Variants in INSR observed in about 807,000 individuals in gnomAD.
INSR encodes insulin receptor, also known as IR.
Under a neutral mutation model 142.6 loss-of-function variants are expected in INSR, and 67 were observed. The ratio of observed to expected loss-of-function variants is 0.47; its 90% CI spans 0.39 to 0.58. The LOEUF is 0.58. Ranked by LOEUF, INSR falls within the 20% of genes least tolerant of loss-of-function variation. The pLI, the probability that INSR is intolerant of heterozygous loss-of-function variation, is 0.00. For missense variants in INSR, 1,248 were observed against 1,833.2 expected (o/e 0.68, Z 5.83); for synonymous variants, 756 against 743.1 (o/e 1.02, Z -0.28).
chr19:7,159,128 C>T lies in INSR; in HGVS notation c.2029+3904G>A, dbSNP rs1973687207. ...ATGTTGCCCAGGCTGGTCTCGAACT[C>T]CTGGCCTCAAAGTGATCCACCCCAC... On this transcript the variant is annotated intron_variant, in intron 9 of 21. Coordinates refer to ENST00000302850, the MANE Select transcript of INSR (RefSeq NM_000208.4). This position sits in a 1 kb window ranked among gnomAD's most constrained non-coding sequence, Gnocchi z 4.3. Among the ~76,000 whole-genome samples, 1 of 152,132 alleles carries T rather than the reference C, an allele frequency of 6.6e-6. No individual in the cohort carries two copies. The highest frequency in any genetic ancestry group is 2.1e-4 in the South Asian group (1 of 4,830).
chr19:7,125,323 T>C lies in INSR; in HGVS notation c.3218A>G (p.Asn1073Ser), dbSNP rs748022366. ...GAAGCCCTTCATGACCGAGGCCTCATTGAGGAACTCAATCCGCTCTCGGAG... is the reference window on the plus strand; with the variant it reads ...GAAGCCCTTCATGACCGAGGCCTCACTGAGGAACTCAATCCGCTCTCGGAG... Reference protein sequence around the residue: ...ASLRERIEFLNEASVMKGFTC... With the variant: ...ASLRERIEFLSEASVMKGFTC... The change falls in exon 17 of 22, where the codon AAT (asparagine) becomes AGT (serine). Residue 1073 changes from asparagine to serine, a missense_variant. Asn to Ser is a conservative substitution (Grantham distance 46, BLOSUM62 1). Coordinates refer to ENST00000302850, the MANE Select transcript of INSR (RefSeq NM_000208.4). This position sits in a 1 kb window ranked among gnomAD's most constrained non-coding sequence, Gnocchi z 4.9. 1.4e-5 allele frequency: 22 copies of C among 1,613,962 alleles called. No homozygotes were observed. Among genetic ancestry groups the C allele is most frequent in the African/African-American group, 6.7e-5 (5 of 74,912 alleles).
At chr19:7,262,528 G>T (rs1347601079) in intron 2 of INSR, among the ~76,000 whole-genome samples, 1 of 152,152 alleles carries the variant, frequency 6.6e-6, no homozygotes, top group African/African-American at 2.4e-5. Flanking sequence ...GTTAATGCAG[G>T]CATTGAAAAG....
intron 11 of INSR, among the ~76,000 whole-genome samples, chr19:7,145,783 T>C (rs1200912025): frequency 2.0e-5 from 3 of 152,254 alleles, no homozygotes; most frequent in African/African-American, 7.2e-5. Flanking sequence ...TTCCATTCTT[T>C]ACAACTCTGA....
At chr19:7,240,554 A>G (rs888910869) in intron 2 of INSR, among the ~76,000 whole-genome samples, 1 of 152,234 alleles carries the variant, frequency 6.6e-6, no homozygotes, top group Non-Finnish European at 1.5e-5. Context: ...GGGTGACAAG[A>G]GTGAAACTCG....
chr19:7,174,485 G>T, intron 4 of INSR, 98 bp downstream of exon 4: 1 of 1,353,904 alleles, frequency 7.4e-7, no homozygotes. Flanking sequence ...TGCTGTAGGA[G>T]CACGCAGCAG....
intron 1 of INSR, among the ~76,000 whole-genome samples, chr19:7,271,025 G>A (rs1967911813): frequency 6.6e-6 from 1 of 151,842 alleles, no homozygotes; most frequent in African/African-American, 2.4e-5. Flanking sequence ...TCACACCACT[G>A]CACTCCAGCC....
intron 2 of INSR, among the ~76,000 whole-genome samples, chr19:7,222,681 C>T (rs971400846): frequency 5.3e-5 from 8 of 152,082 alleles, no homozygotes; most frequent in Non-Finnish European, 7.4e-5. Flanking sequence ...GCATGAGCCA[C>T]GGTGTCCAGC....
chr19:7,197,516 G>GTGGGGGTGTGT (rs1568480264), intron 2 of INSR, among the ~76,000 whole-genome samples: 1 of 70,856 alleles, frequency 1.4e-5, no homozygotes, highest in Non-Finnish European at 2.8e-5. Context: ...TGGGAGTGGG[G>GTGGGGGTGTGT]GTGTGTGTGT....
intron 2 of INSR, among the ~76,000 whole-genome samples, chr19:7,237,735 A>G (rs1976206413): frequency 2.6e-5 from 4 of 151,848 alleles, no homozygotes; most frequent in South Asian, 2.1e-4. Flanking sequence ...AGAATGGCGT[A>G]AACCCGGGAG....
At chr19:7,153,941 A>G (rs1056800721) in intron 9 of INSR, among the ~76,000 whole-genome samples, 3 of 152,138 alleles carry the variant, frequency 2.0e-5, no homozygotes, top group African/African-American at 7.2e-5. Flanking sequence ...TAGGCAGACC[A>G]CCTGAGGTCA....
rs191648002 is a variant in INSR, at chr19:7,156,652, G to C, written c.2030-3725C>G. Among the ~76,000 whole-genome samples, 260 of 152,212 alleles carry C rather than the reference G, an allele frequency of 1.7e-3. 1 individual carries two copies. Among genetic ancestry groups the C allele is most frequent in the Non-Finnish European group, 3.0e-3 (202 of 68,018 alleles). On this transcript the variant is annotated intron_variant, in intron 9 of 21. Coordinates refer to ENST00000302850, the MANE Select transcript of INSR (RefSeq NM_000208.4). The stretch of plus-strand genomic sequence containing the variant: ...GAGAAACCCTGACCTAAAGGCATGA[G>C]AGGAGATAGAGGAAGGAACTTTTCA...
chr19:7,293,119 GTGCGGTGA>G (rs968651840), intron 1 of INSR, among the ~76,000 whole-genome samples: 13 of 152,136 alleles, frequency 8.5e-5, no homozygotes, highest in Admixed American at 2.6e-4. Flanking sequence ...AGGCTGTGGC[GTGCGGTGA>G]TACCAATTAC....
At chr19:7,153,302 CCACACAAATCA>C (rs1973474476) in intron 9 of INSR, among the ~76,000 whole-genome samples, 1 of 149,580 alleles carries the variant, frequency 6.7e-6, no homozygotes, top group East Asian at 2.1e-4. Flanking sequence ...CGCACACACA[CCACACAAATCA>C]CACACACACC....
chr19:7,207,944 AGGAG>A (rs142282913), intron 2 of INSR, among the ~76,000 whole-genome samples: 3,291 of 46,158 alleles, frequency 0.071, 229 homozygotes, highest in African/African-American at 0.17. Flanking sequence ...AAGGAAGGGA[AGGAG>A]GGAGGGAGGG....
chr19:7,186,879 A>T (rs1002800596), intron 2 of INSR, among the ~76,000 whole-genome samples: 7 of 149,424 alleles, frequency 4.7e-5, no homozygotes, highest in Non-Finnish European at 1.0e-4. Flanking sequence ...TAATTTTTGT[A>T]TTTTTAGTAG....
chr19:7,123,024 G>T (rs1195893095), intron 17 of INSR, 35 bp from the exon 18 acceptor site: 2 of 1,493,270 alleles, frequency 1.3e-6, no homozygotes, highest in Admixed American at 1.9e-5. Context: ...TTGGAGGAGG[G>T]TCCGTGATTC....
At chr19:7,242,153 C>CAAAA (rs58299832) in intron 2 of INSR, among the ~76,000 whole-genome samples, 2 of 134,488 alleles carry the variant, frequency 1.5e-5, no homozygotes, top group Admixed American at 7.6e-5. Flanking sequence ...ACTCTTGTCT[C>CAAAA]AAAAAAAAAA....
At chr19:7,229,332 A>ATG (rs1568204425) in intron 2 of INSR, among the ~76,000 whole-genome samples, 7 of 81,902 alleles carry the variant, frequency 8.5e-5, no homozygotes, top group South Asian at 4.5e-4. Flanking sequence ...ATGGATGGAT[A>ATG]GATGGATGGA....
At chr19:7,206,069 T>C (rs944828217) in intron 2 of INSR, among the ~76,000 whole-genome samples, 1 of 152,186 alleles carries the variant, frequency 6.6e-6, no homozygotes, top group Admixed American at 6.6e-5. Context: ...TACCTTGGGC[T>C]GACTTGAATA....
Sources: allele counts gnomAD v4.1 joint callset (sites outside exome capture counted in the v4.1 genomes callset), GRCh38; gene constraint gnomAD v4.1.1; non-coding constraint Gnocchi (gnomAD v3.1); transcripts MANE v1.5; gene names NCBI Gene and HGNC (gene_info 2026-07-23, HGNC 2026-07-21).